The following KCNN3 variants were observed in gnomAD, a reference collection of about 807,000 sequenced individuals.
KCNN3 encodes potassium calcium-activated channel subfamily N member 3.
KCNN3 carries 16 observed loss-of-function variants against 62.9 expected under a neutral mutation model. The observed-to-expected ratio is 0.25, with a 90% confidence interval of 0.17 to 0.39. The LOEUF (loss-of-function observed/expected upper bound fraction) is 0.39, where lower values mean the gene tolerates loss of function less well. Among genes scored for constraint, KCNN3 ranks in the 10% least tolerant of loss-of-function variants. The probability of loss-of-function intolerance (pLI) is 1.00; values close to 1 mark genes in which losing one functional copy is unlikely to be tolerated. For missense variants in KCNN3, 599 were observed against 949.4 expected, an observed-to-expected ratio of 0.63 and a Z score of 4.85; for synonymous variants, 370 against 389.2, an observed-to-expected ratio of 0.95 and a Z score of 0.58.
chr1:154,820,568 G>T (rs1467653862), intron 2 of KCNN3, among the ~76,000 whole-genome samples: 1 of 152,194 alleles, frequency 6.6e-6, no homozygotes, highest in Non-Finnish European at 1.5e-5. Flanking sequence ...GTGGAACCAG[G>T]CCCGGAGCCC....
chr1:154,865,171 T>A (rs1416297323), intron 1 of KCNN3, among the ~76,000 whole-genome samples: 1 of 151,802 alleles, frequency 6.6e-6, no homozygotes, highest in Non-Finnish European at 1.5e-5. Context: ...TGCAATGGAG[T>A]GGGTGTGCCC....
At chr1:154,812,593 T>C (rs1650460968) in intron 2 of KCNN3, among the ~76,000 whole-genome samples, 1 of 152,182 alleles carries the variant, frequency 6.6e-6, no homozygotes, top group South Asian at 2.1e-4. Context: ...TCCCCATGAC[T>C]TTGGAGAAGT....
intron 2 of KCNN3, among the ~76,000 whole-genome samples, chr1:154,800,767 A>G (rs1199516540): frequency 6.6e-6 from 1 of 152,140 alleles, no homozygotes; most frequent in African/African-American, 2.4e-5. Flanking sequence ...ATCCATCACC[A>G]GGTATGGTAC....
chr1:154,784,533 C>A (rs1649193767), intron 2 of KCNN3, among the ~76,000 whole-genome samples: 1 of 152,238 alleles, frequency 6.6e-6, no homozygotes, highest in Admixed American at 6.5e-5. Flanking sequence ...CTAAGCTGGT[C>A]CCTTCTGACT....
At position 154,697,667 on chromosome 1, in the gene KCNN3, G is replaced by A. The variant is rs1699767306; in HGVS notation, c.*10309C>T. On this transcript the variant is annotated 3_prime_UTR_variant, in exon 8 of 8. Coordinates refer to ENST00000271915, the MANE Select transcript of KCNN3 (RefSeq NM_002249.6). ...ATGCAGTCTCCCATCCAGATCCTCAGACCCACACACCAGCCCACCACTCTC... is the reference window on the plus strand; with the variant it reads ...ATGCAGTCTCCCATCCAGATCCTCAAACCCACACACCAGCCCACCACTCTC... 1.3e-5 allele frequency: 2 copies of A among 152,190 alleles called. No homozygotes were observed. The highest frequency in any genetic ancestry group is 4.8e-5 in the African/African-American group (2 of 41,404). The allele number at this position is 152,190 out of a possible 1,614,324, so 9.4% of individuals were successfully genotyped here.
chr1:154,783,015 A>G (rs1003298289), intron 2 of KCNN3, among the ~76,000 whole-genome samples: 2 of 152,192 alleles, frequency 1.3e-5, no homozygotes, highest in African/African-American at 4.8e-5. Context: ...GATTGAGAAC[A>G]TCCTGGCTAA....
intron 1 of KCNN3, among the ~76,000 whole-genome samples, chr1:154,833,527 G>A (rs144484640): frequency 3.3e-5 from 5 of 152,206 alleles, no homozygotes; most frequent in Admixed American, 6.5e-5. Flanking sequence ...CCCAACACTC[G>A]ACTTAGCTGG....
At chr1:154,818,927 A>G (rs1025060581) in intron 2 of KCNN3, among the ~76,000 whole-genome samples, 2 of 152,226 alleles carry the variant, frequency 1.3e-5, no homozygotes, top group African/African-American at 2.4e-5. Flanking sequence ...CTTCTGGGGC[A>G]AGGCTGGGGA....
At chr1:154,759,433 A>G (rs933847764) in intron 3 of KCNN3, among the ~76,000 whole-genome samples, 1 of 152,226 alleles carries the variant, frequency 6.6e-6, no homozygotes, top group Admixed American at 6.5e-5. Flanking sequence ...CTGCTTGACT[A>G]ATGTCAGCCC....
chr1:154,732,626 A>G (rs1700620259), intron 4 of KCNN3, among the ~76,000 whole-genome samples: 1 of 152,226 alleles, frequency 6.6e-6, no homozygotes, highest in Admixed American at 6.5e-5. Flanking sequence ...CCAAGGCAAC[A>G]GGAAGGAGGA....
intron 1 of KCNN3, among the ~76,000 whole-genome samples, chr1:154,849,812 T>G (rs1304708956): frequency 6.6e-6 from 1 of 152,168 alleles, no homozygotes; most frequent in Admixed American, 6.5e-5. Context: ...CCACTGACAT[T>G]GTGGGCTGGG....
intron 5 of KCNN3, among the ~76,000 whole-genome samples, chr1:154,720,684 G>T (rs1032466762): frequency 2.6e-5 from 4 of 152,214 alleles, no homozygotes; most frequent in Admixed American, 1.3e-4. Context: ...ACTACTTAAA[G>T]GTTTTTGAGC....
chr1:154,802,981 G>A (rs939600766), intron 2 of KCNN3, among the ~76,000 whole-genome samples: 1 of 152,178 alleles, frequency 6.6e-6, no homozygotes, highest in African/African-American at 2.4e-5. Flanking sequence ...TTTTCACGCC[G>A]TGCATGACAC....
chr1:154,766,416 T>TTTTATATATA lies in KCNN3; in HGVS notation c.1448+5558_1448+5559insTATATATAAA, dbSNP rs1553231996. On this transcript the variant is annotated intron_variant, in intron 3 of 7. Transcript: ENST00000271915. ...CCATTTATTAAATACTAGCCAGGCT[T>TTTTATATATA]TATATATATATATATATATATATAT... 5.6e-4 allele frequency among the ~76,000 whole-genome samples: 40 copies of TTTTATATATA among 71,792 alleles called. 1 individual carries two copies. Among genetic ancestry groups the TTTTATATATA allele is most frequent in the South Asian group, 1.2e-3 (2 of 1,718 alleles). 47.1% of individuals were successfully genotyped at this position (71,792 alleles called of 152,430 possible).
intron 1 of KCNN3, among the ~76,000 whole-genome samples, chr1:154,861,657 G>A (rs1025017705): frequency 6.6e-6 from 1 of 152,188 alleles, no homozygotes; most frequent in Non-Finnish European, 1.5e-5. Context: ...CCCAGTCTGA[G>A]TCACTGTCTC....
In KCNN3 at chr1:154,715,056, AT is replaced by A. The variant is rs1455601173; in HGVS notation, c.1702-54del. The A allele has an allele frequency of 8.7e-6, 14 of 1,607,736 alleles. No individual in the cohort carries two copies. In the East Asian group the frequency reaches 2.9e-4, roughly 33 times the overall value. On this transcript the variant is annotated intron_variant, in intron 5 of 7. Coordinates refer to ENST00000271915, the MANE Select transcript of KCNN3 (RefSeq NM_002249.6). ...CTATCAGGTTCATTTTCTTAGGTTCATTTTTGTGGTTGCTACTGTAGTCTAC... is the reference window on the plus strand; with the variant it reads ...CTATCAGGTTCATTTTCTTAGGTTCATTTTGTGGTTGCTACTGTAGTCTAC...
chr1:154,784,718 A>C (rs1423955718), intron 2 of KCNN3, among the ~76,000 whole-genome samples: 6 of 152,234 alleles, frequency 3.9e-5, no homozygotes, highest in Admixed American at 3.9e-4. Context: ...AACAATGGTA[A>C]CAGCAGGGGC....
At chr1:154,854,784 T>G (rs1316742701) in intron 1 of KCNN3, among the ~76,000 whole-genome samples, 2 of 152,230 alleles carry the variant, frequency 1.3e-5, no homozygotes, top group South Asian at 2.1e-4. Context: ...CAAAAAAGAT[T>G]TTGTAAGTAA....
chr1:154,801,824 C>T lies in KCNN3; in HGVS notation c.1029+20265G>A, dbSNP rs368380705. On this transcript the variant is annotated intron_variant, in intron 2 of 7. Coordinates refer to ENST00000271915, the MANE Select transcript of KCNN3 (RefSeq NM_002249.6). Reference sequence around the variant, plus strand: ...GGATGCACAACCCCGGAGTGAAAGACTCGGCCTCCGGGGCTCTGTTTGCTG... The same window carrying T: ...GGATGCACAACCCCGGAGTGAAAGATTCGGCCTCCGGGGCTCTGTTTGCTG... 2.6e-3 allele frequency among the ~76,000 whole-genome samples: 401 copies of T among 152,298 alleles called. 4 individuals carry two copies. Among genetic ancestry groups the T allele is most frequent in the African/African-American group, 9.2e-3 (382 of 41,556 alleles).
Sources: gnomAD v4.1 joint callset for allele counts (sites outside exome capture counted in the v4.1 genomes callset) on GRCh38, gnomAD v4.1.1 for gene constraint, MANE v1.5 for transcripts, NCBI Gene and HGNC (gene_info 2026-07-23, HGNC 2026-07-21) for gene names.